Variants in DARS1 observed in about 807,000 individuals in gnomAD.
DARS1 encodes the protein aspartyl-tRNA synthetase 1, also known as aspartate--tRNA ligase, cytoplasmic.
DARS1 carries 51 observed loss-of-function variants against 68.8 expected under a neutral mutation model. The observed-to-expected ratio is 0.74, with a 90% confidence interval of 0.59 to 0.94. The LOEUF (loss-of-function observed/expected upper bound fraction) is 0.94. DARS1 is among the 40% of genes least tolerant of loss of function. The pLI is 0.00. For synonymous variants in DARS1, 203 were observed against 190.4 expected (o/e 1.07, Z -0.55); for missense variants, 607 against 597.3 (o/e 1.02, Z -0.17).
At chr2:135,947,795 A>G (rs1681758344) in intron 4 of DARS1, among the ~76,000 whole-genome samples, 1 of 151,590 alleles carries the variant, frequency 6.6e-6, no homozygotes, top group Non-Finnish European at 1.5e-5. Context: ...GAAGCTCATG[A>G]GCTGCTAGAT....
intron 3 of DARS1, among the ~76,000 whole-genome samples, chr2:135,972,987 T>C (rs1188506031): frequency 6.6e-6 from 1 of 152,226 alleles, no homozygotes; most frequent in Non-Finnish European, 1.5e-5. Context: ...TGTAAATTAG[T>C]ACAATCACTA....
chr2:135,912,913 T>C (rs889599438), intron 12 of DARS1, among the ~76,000 whole-genome samples: 1 of 152,010 alleles, frequency 6.6e-6, no homozygotes, highest in Non-Finnish European at 1.5e-5. Flanking sequence ...TTTGTAGAGA[T>C]GGAATCTCGC....
chr2:135,907,238 CTTTCTTTTTT>C lies in DARS1; in HGVS notation c.*68_*77del. 1.4e-6 allele frequency: 1 copy of C among 724,940 alleles called. No homozygotes were observed. The highest frequency in any genetic ancestry group is 2.0e-6 in the Non-Finnish European group (1 of 491,690). 44.9% of individuals were successfully genotyped at this position (724,940 alleles called of 1,614,324 possible). On this transcript the variant is annotated 3_prime_UTR_variant, in exon 16 of 16. Coordinates refer to ENST00000264161, the MANE Select transcript of DARS1 (RefSeq NM_001349.4). ...AGGTTACTGAAAAGAATAAGTGTGG[CTTTCTTTTTT>C]TTTTTTTTTTTTTGAGGCAGGGTCT...
chr2:135,937,305 T>G (rs989596744), intron 5 of DARS1, among the ~76,000 whole-genome samples: 8 of 152,114 alleles, frequency 5.3e-5, no homozygotes, highest in African/African-American at 1.9e-4. Flanking sequence ...ATCAGGCTGG[T>G]TTTGAACTCC....
Position 135,943,635 on chromosome 2 carries a change from C to T in DARS1, c.321-155G>A, listed in dbSNP as rs139260989. Among the ~76,000 whole-genome samples, 384 of 152,282 alleles carry T rather than the reference C, an allele frequency of 2.5e-3. 4 individuals are homozygous for T. The South Asian group carries it at 0.028, about 11-fold the overall frequency. ...GTCTATTTAACCTACTTAGAATAAG[C>T]TATTACGTAGCATACCTTGTGAGAT... is the stretch of plus-strand genomic sequence containing the variant. On this transcript the variant is annotated intron_variant, in intron 4 of 15. Coordinates refer to ENST00000264161, the MANE Select transcript of DARS1 (RefSeq NM_001349.4).
At chr2:135,969,021 G>A (rs893375128) in intron 3 of DARS1, among the ~76,000 whole-genome samples, 1 of 152,054 alleles carries the variant, frequency 6.6e-6, no homozygotes, top group African/African-American at 2.4e-5. Flanking sequence ...CAAGGATGTG[G>A]AGAAAGTGGT....
At chr2:135,912,098 C>T (rs1056086958) in intron 13 of DARS1, among the ~76,000 whole-genome samples, 6 of 151,974 alleles carry the variant, frequency 3.9e-5, no homozygotes, top group African/African-American at 1.5e-4. Flanking sequence ...AATGGAAAAA[C>T]GGTAAAAGAC....
At chr2:135,975,013 A>C (rs1376368461) in intron 3 of DARS1, among the ~76,000 whole-genome samples, 2 of 152,214 alleles carry the variant, frequency 1.3e-5, no homozygotes, top group African/African-American at 2.4e-5. Context: ...TATGTAAAAA[A>C]ATATAGCCAT....
intron 3 of DARS1, among the ~76,000 whole-genome samples, chr2:135,964,394 A>T (rs982187035): frequency 6.6e-6 from 1 of 152,200 alleles, no homozygotes; most frequent in African/African-American, 2.4e-5. Context: ...TACAGAAGAA[A>T]GGTAAGGGCT....
chr2:135,976,658 C>T (rs994053101), intron 3 of DARS1, among the ~76,000 whole-genome samples: 7 of 151,694 alleles, frequency 4.6e-5, no homozygotes, highest in Non-Finnish European at 7.4e-5. Context: ...TTCTCAAATC[C>T]GAAAATGTGC....
intron 4 of DARS1, among the ~76,000 whole-genome samples, chr2:135,954,929 C>T (rs1681936279): frequency 6.6e-6 from 1 of 151,902 alleles, no homozygotes; most frequent in Admixed American, 6.6e-5. Context: ...CTAGGTACCA[C>T]AGATTTAAGC....
At chr2:135,915,461 A>T (rs1680984929) in intron 11 of DARS1, among the ~76,000 whole-genome samples, 1 of 151,752 alleles carries the variant, frequency 6.6e-6, no homozygotes, top group Admixed American at 6.6e-5. Flanking sequence ...TAAATTTTAA[A>T]TTTTTTTGTA....
At position 135,912,576 on chromosome 2, in the gene DARS1, G is replaced by T; in HGVS notation, c.1150-10C>A. The T allele has an allele frequency of 1.3e-6, 1 of 787,344 alleles. No homozygotes were observed. Among genetic ancestry groups the T allele is most frequent in the Non-Finnish European group, 2.1e-6 (1 of 468,768 alleles). 48.8% of individuals were successfully genotyped at this position (787,344 alleles called of 1,614,324 possible). A position where few individuals can be genotyped will look rare whatever the true frequency, so the allele number is the denominator to read the frequency against. ...AAAAATCTGTATCATACTATAAAAA[G>T]AATAAATGCAATTAAAATACATTTT... is the stretch of plus-strand genomic sequence containing the variant. On this transcript the variant is annotated splice_polypyrimidine_tract_variant and intron_variant, in intron 12 of 15. Transcript: ENST00000264161.
At chr2:135,939,823 G>T (rs1484102567) in intron 5 of DARS1, among the ~76,000 whole-genome samples, 2 of 151,936 alleles carry the variant, frequency 1.3e-5, no homozygotes, top group Non-Finnish European at 2.9e-5. Flanking sequence ...TGATAAAGGG[G>T]ATATCACCAC....
intron 4 of DARS1, among the ~76,000 whole-genome samples, chr2:135,953,563 AATTG>A (rs1412175093): frequency 6.6e-6 from 1 of 152,192 alleles, no homozygotes; most frequent in African/African-American, 2.4e-5. Flanking sequence ...AAGTAGATGC[AATTG>A]ATTATTAGAT....
intron 3 of DARS1, among the ~76,000 whole-genome samples, chr2:135,972,467 T>C (rs909722700): frequency 6.6e-6 from 1 of 152,178 alleles, no homozygotes; most frequent in Non-Finnish European, 1.5e-5. Context: ...CTTTGAACTA[T>C]AATACTACAA....
At position 135,925,047 on chromosome 2, in the gene DARS1, T is replaced by C. The variant is rs890261253; in HGVS notation, c.565-549A>G. ...GGCATCCCATGACACTGATTTCCAA[T>C]GTGGTACATAAAACAATAGTAGCGC... On this transcript the variant is annotated intron_variant, in intron 7 of 15. Coordinates refer to ENST00000264161, the MANE Select transcript of DARS1 (RefSeq NM_001349.4). Among the ~76,000 whole-genome samples, 4 of 152,186 alleles carry C rather than the reference T, an allele frequency of 2.6e-5. No individual in the cohort carries two copies. In the East Asian group the frequency reaches 7.7e-4, roughly 29 times the overall value.
chr2:135,909,099 C>A (rs1680846077), intron 15 of DARS1, among the ~76,000 whole-genome samples: 1 of 131,072 alleles, frequency 7.6e-6, no homozygotes, highest in African/African-American at 2.9e-5. Context: ...CACATGGACA[C>A]AGGGAGGGGA....
intron 5 of DARS1, among the ~76,000 whole-genome samples, chr2:135,940,563 G>A (rs552251414): frequency 2.0e-5 from 3 of 152,240 alleles, no homozygotes; most frequent in East Asian, 1.9e-4. Context: ...ATACTGAATG[G>A]TCAAAAACTG....
Sources: allele counts gnomAD v4.1 joint callset (sites outside exome capture counted in the v4.1 genomes callset), GRCh38; gene constraint gnomAD v4.1.1; transcripts MANE v1.5; gene names NCBI Gene and HGNC (gene_info 2026-07-23, HGNC 2026-07-21).